SEPTIN14: variants seen among roughly 807,000 people sequenced by gnomAD.
The protein encoded by SEPTIN14 is septin-14.
Under a neutral mutation model 53.6 loss-of-function variants are expected in SEPTIN14, and 40 were observed. The ratio of observed to expected loss-of-function variants is 0.75; its 90% CI spans 0.58 to 0.97. The LOEUF is 0.97. Ranked by LOEUF, SEPTIN14 falls within the 50% of genes least tolerant of loss-of-function variation. The pLI is 0.00. For synonymous variants in SEPTIN14, 138 were observed against 166.8 expected, an observed-to-expected ratio of 0.83 and a Z score of 1.33; for missense variants, 471 against 508.2, an observed-to-expected ratio of 0.93 and a Z score of 0.70.
At chr7:55,856,332 C>G (rs1789623673) in intron 2 of SEPTIN14, among the ~76,000 whole-genome samples, 2 of 152,068 alleles carry the variant, frequency 1.3e-5, no homozygotes. Context: ...ACCCATGTTG[C>G]TGCAAAGGAC....
intron 6 of SEPTIN14, among the ~76,000 whole-genome samples, chr7:55,820,581 C>T (rs1423662133): frequency 1.3e-5 from 2 of 152,132 alleles, no homozygotes; most frequent in African/African-American, 4.8e-5. Flanking sequence ...GTGAATTGTG[C>T]AGGATCTTTT....
chr7:55,843,364 C>T (rs1789348340), intron 4 of SEPTIN14, among the ~76,000 whole-genome samples: 1 of 152,088 alleles, frequency 6.6e-6, no homozygotes, highest in East Asian at 1.9e-4. Flanking sequence ...CGACAGGGGA[C>T]TAGTATCCAG....
chr7:55,854,807 A>C (rs1237150188), intron 2 of SEPTIN14, among the ~76,000 whole-genome samples: 2 of 152,218 alleles, frequency 1.3e-5, no homozygotes, highest in African/African-American at 4.8e-5. Context: ...TATATTGAAA[A>C]AAGGTAGAAA....
At chr7:55,847,350 A>T (rs1457175514) in intron 2 of SEPTIN14, among the ~76,000 whole-genome samples, 1 of 152,166 alleles carries the variant, frequency 6.6e-6, no homozygotes, top group Non-Finnish European at 1.5e-5. Context: ...GCAGCGTATT[A>T]ATATATTGAG....
intron 6 of SEPTIN14, among the ~76,000 whole-genome samples, chr7:55,821,281 A>G (rs1788889885): frequency 6.6e-6 from 1 of 152,126 alleles, no homozygotes; most frequent in Non-Finnish European, 1.5e-5. Context: ...GTGGGGAAGT[A>G]ATCCAAAGAA....
intron 2 of SEPTIN14, chr7:55,851,016 G>T (rs1015951633): frequency 1.3e-5 from 2 of 152,118 alleles, no homozygotes; most frequent in African/African-American, 4.8e-5. Context: ...GGCAGAAGTT[G>T]CAGTAAGCCA....
chr7:55,857,542 GAGA>G (rs1789659996), intron 2 of SEPTIN14, among the ~76,000 whole-genome samples: 1 of 83,618 alleles, frequency 1.2e-5, no homozygotes. Flanking sequence ...AGGAAAGGAA[GAGA>G]GGAGGGGAGG....
chr7:55,850,629 A>G (rs1789500833), intron 2 of SEPTIN14, among the ~76,000 whole-genome samples: 6 of 152,166 alleles, frequency 3.9e-5, no homozygotes, highest in Admixed American at 3.9e-4. Context: ...TTTCTTAACA[A>G]CTGAAATATT....
At chr7:55,830,349 A>ATATATTTTTTTTTTTTTTT (rs71015108) in intron 6 of SEPTIN14, among the ~76,000 whole-genome samples, 2 of 56,844 alleles carry the variant, frequency 3.5e-5, no homozygotes, top group African/African-American at 2.0e-4. Flanking sequence ...ATATATATAT[A>ATATATTTTTTTTTTTTTTT]TTTTTTTTTT....
At position 55,850,524 on chromosome 7, in the gene SEPTIN14, A is replaced by T. The variant is rs1789499651; in HGVS notation, c.55-3887T>A. On this transcript the variant is annotated intron_variant, in intron 2 of 9. Coordinates refer to ENST00000388975, the MANE Select transcript of SEPTIN14 (RefSeq NM_207366.3). ...TGGCAAAGACATCACAAAAAGAGAA[A>T]ATTATACATTAATTTCTGTCATGTG... is the stretch of plus-strand genomic sequence containing the variant. 2.0e-5 allele frequency among the ~76,000 whole-genome samples: 3 copies of T among 152,116 alleles called. No homozygotes were observed. In the South Asian group the frequency reaches 6.2e-4, roughly 31 times the overall value.
chr7:55,810,920 G>T, intron 7 of SEPTIN14: 1 of 371,170 alleles, frequency 2.7e-6, no homozygotes, highest in Non-Finnish European at 5.3e-6. Context: ...GGGTAACAGT[G>T]ATAGCACAGC....
intron 7 of SEPTIN14, among the ~76,000 whole-genome samples, chr7:55,812,141 A>G (rs1437912258): frequency 6.6e-6 from 1 of 152,150 alleles, no homozygotes; most frequent in Non-Finnish European, 1.5e-5. Flanking sequence ...CCTTGTTTAG[A>G]TTTATTCCTA....
chr7:55,855,886 G>C (rs1026699013), intron 2 of SEPTIN14, among the ~76,000 whole-genome samples: 6 of 151,790 alleles, frequency 4.0e-5, no homozygotes, highest in African/African-American at 1.5e-4. Flanking sequence ...TTTCTGGTTT[G>C]GTTTTTATTT....
At chr7:55,826,475 T>G (rs896459301) in intron 6 of SEPTIN14, among the ~76,000 whole-genome samples, 1 of 152,128 alleles carries the variant, frequency 6.6e-6, no homozygotes, top group Admixed American at 6.5e-5. Context: ...CCAAAAGGAA[T>G]ACTTTACCCC....
chr7:55,821,125 C>T (rs1788886717), intron 6 of SEPTIN14, among the ~76,000 whole-genome samples: 1 of 152,132 alleles, frequency 6.6e-6, no homozygotes, highest in Non-Finnish European at 1.5e-5. Flanking sequence ...AGGCTAAGTC[C>T]TTGGCAAGTC....
At chr7:55,845,066 C>T (rs184296513) in intron 3 of SEPTIN14, among the ~76,000 whole-genome samples, 12 of 152,256 alleles carry the variant, frequency 7.9e-5, no homozygotes, top group Non-Finnish European at 1.8e-4. Context: ...TCCTCTCCCT[C>T]CTCCAAACCT....
At chr7:55,837,973 T>C (rs1789239290) in intron 5 of SEPTIN14, among the ~76,000 whole-genome samples, 1 of 152,206 alleles carries the variant, frequency 6.6e-6, no homozygotes, top group Admixed American at 6.5e-5. Context: ...CAAAAGCTGC[T>C]TCCACTGACA....
At chr7:55,816,254 T>C (rs149344601) in intron 7 of SEPTIN14, among the ~76,000 whole-genome samples, 117 of 152,196 alleles carry the variant, frequency 7.7e-4, no homozygotes, top group African/African-American at 2.6e-3. Flanking sequence ...GAATATATAG[T>C]TACATAGAAT....
At chr7:55,796,562 T>C (rs568253851) in intron 9 of SEPTIN14, among the ~76,000 whole-genome samples, 138 of 151,880 alleles carry the variant, frequency 9.1e-4, no homozygotes, top group Non-Finnish European at 1.6e-3. Flanking sequence ...TCTCACTATG[T>C]TGCCCAGGCT....
Sources: gnomAD v4.1 joint callset for allele counts (sites outside exome capture counted in the v4.1 genomes callset) on GRCh38, gnomAD v4.1.1 for gene constraint, MANE v1.5 for transcripts, NCBI Gene and HGNC (gene_info 2026-07-23, HGNC 2026-07-21) for gene names.